KDM5B: variants seen among roughly 807,000 people sequenced by gnomAD.
KDM5B encodes lysine-specific demethylase 5B.
Under a neutral mutation model 193.4 loss-of-function variants are expected in KDM5B, and 144 were observed. The ratio of observed to expected loss-of-function variants is 0.74; its 90% CI spans 0.65 to 0.86. The LOEUF (loss-of-function observed/expected upper bound fraction) is 0.86, where lower values mean the gene tolerates loss of function less well. Among genes scored for constraint, KDM5B ranks in the 40% least tolerant of loss-of-function variants. The pLI is 0.00. For missense variants in KDM5B, 1,833 were observed against 1,886.9 expected (o/e 0.97, Z 0.53); for synonymous variants, 668 against 682.6 (o/e 0.98, Z 0.33).
At chr1:202,744,552 C>T (rs1035656547) in intron 16 of KDM5B, among the ~76,000 whole-genome samples, 3 of 151,842 alleles carry the variant, frequency 2.0e-5, no homozygotes, top group Admixed American at 6.6e-5. Context: ...AGCAAGACTC[C>T]GTCTCAAAAC....
chr1:202,760,955 T>C (rs558835513), intron 7 of KDM5B, among the ~76,000 whole-genome samples: 11 of 151,818 alleles, frequency 7.2e-5, no homozygotes, highest in African/African-American at 2.7e-4. Context: ...TTGAGCCTGG[T>C]AGGTCAAAGT....
At chr1:202,795,768 T>TA (rs1229105860) in intron 1 of KDM5B, among the ~76,000 whole-genome samples, 1 of 151,992 alleles carries the variant, frequency 6.6e-6, no homozygotes, top group Non-Finnish European at 1.5e-5. Context: ...GTTTATATGA[T>TA]TACATAGGGG....
At position 202,749,151 on chromosome 1, in the gene KDM5B, C is replaced by T; in HGVS notation, c.1822-12G>A. The T allele has an allele frequency of 6.3e-7, 1 of 1,598,052 alleles. No individual in the cohort carries two copies. Among genetic ancestry groups the T allele is most frequent in the East Asian group, 2.2e-5 (1 of 44,780 alleles). Reference sequence around the variant, plus strand: ...CGGCCTAATGGCAGCTGTATCAAAACACGGAAAGAAAAAAATAACATTCAT... The same window carrying T: ...CGGCCTAATGGCAGCTGTATCAAAATACGGAAAGAAAAAAATAACATTCAT... On this transcript the variant is annotated splice_polypyrimidine_tract_variant and intron_variant, in intron 13 of 26. Transcript: ENST00000367265.
At chr1:202,750,187 T>C (rs1655733805) in intron 13 of KDM5B, among the ~76,000 whole-genome samples, 1 of 152,246 alleles carries the variant, frequency 6.6e-6, no homozygotes, top group African/African-American at 2.4e-5. Context: ...TGATTTACAC[T>C]GTGGTACAAG....
In KDM5B at chr1:202,740,693, T is replaced by C; in HGVS notation, c.3065A>G (p.Gln1022Arg). Residue 1022 changes from glutamine (Q) to arginine (R), a missense_variant, in exon 20 of 27, where the codon CAG becomes CGG. Physicochemically the swap from Gln to Arg is conservative, Grantham distance 43. Around this residue, in one of 3 missense-constraint regions of KDM5B, gnomAD observed 1,379 missense variants for 1,349.6 expected, o/e 1.02. Coordinates refer to ENST00000367265, the MANE Select transcript of KDM5B (RefSeq NM_006618.5). Reference sequence around the variant, plus strand: ...ACCAACCTGCAGGCCCTCTACATCCTGAAGCCAGTCTCTGGCTCTCTGCAC... The same window carrying C: ...ACCAACCTGCAGGCCCTCTACATCCCGAAGCCAGTCTCTGGCTCTCTGCAC... ...DSVQRARDWL[Q>R]DVEGLQAGGR... The C allele has an allele frequency of 1.2e-6, 2 of 1,612,404 alleles. No individual in the cohort carries two copies. The highest frequency in any genetic ancestry group is 1.1e-5 in the South Asian group (1 of 90,984).
At chr1:202,793,781 CTA>C (rs1396223962) in intron 1 of KDM5B, among the ~76,000 whole-genome samples, 1 of 152,062 alleles carries the variant, frequency 6.6e-6, no homozygotes, top group Admixed American at 6.6e-5. Flanking sequence ...TGATGAGCAA[CTA>C]TATATTCTAT....
At chr1:202,773,071 C>A in intron 4 of KDM5B, 47 bp downstream of exon 4, 1 of 1,272,756 alleles carries the variant, frequency 7.9e-7, no homozygotes, top group Non-Finnish European at 1.1e-6. Context: ...GACAATGTAC[C>A]AATAAGTAGT....
chr1:202,792,840 A>G (rs1296806164), intron 1 of KDM5B, among the ~76,000 whole-genome samples: 1 of 151,706 alleles, frequency 6.6e-6, no homozygotes, highest in Non-Finnish European at 1.5e-5. Flanking sequence ...CTAAAAATAC[A>G]AAAAAAATTA....
chr1:202,770,003 C>T (rs1199427798), intron 4 of KDM5B, among the ~76,000 whole-genome samples: 2 of 152,112 alleles, frequency 1.3e-5, no homozygotes, highest in Non-Finnish European at 2.9e-5. Context: ...TACGTGGTTC[C>T]TATCTCCTAC....
At chr1:202,734,172 C>T (rs1655006862) in intron 22 of KDM5B, among the ~76,000 whole-genome samples, 1 of 151,872 alleles carries the variant, frequency 6.6e-6, no homozygotes, top group South Asian at 2.1e-4. Context: ...TAAACAAGTT[C>T]TCAAAAAATC....
Position 202,736,382 on chromosome 1 carries a change from C to T in KDM5B, c.3095G>A (p.Arg1032His), listed in dbSNP as rs777499012. 1.7e-5 allele frequency: 26 copies of T among 1,564,142 alleles called. No individual in the cohort carries two copies. The highest frequency in any genetic ancestry group is 7.0e-5 in the East Asian group (3 of 42,646). Residue 1032 changes from arginine to histidine, a missense_variant, in exon 21 of 27, where the codon CGT becomes CAT. Around this residue, in one of 3 missense-constraint regions of KDM5B, gnomAD observed 1,379 missense variants for 1,349.6 expected, o/e 1.02. Transcript: ENST00000367265. ...QDVEGLQAGG[R>H]VPVLDTLIEL... ...TATGAGTGTGTCTAACACTGGCACA[C>T]GTCCTCCAGCCTAATAAGTCAAGAA...
chr1:202,786,166 AT>A lies in KDM5B; in HGVS notation c.205-9073del, dbSNP rs548678700. 2.6e-4 allele frequency among the ~76,000 whole-genome samples: 28 copies of A among 107,108 alleles called. No homozygotes were observed. The South Asian group carries it at 6.4e-3, about 24-fold the overall frequency. 70.3% of individuals were successfully genotyped at this position (107,108 alleles called of 152,430 possible). ...AGGTGCACACCACCATGACCAGCTA[AT>A]TTTTTTTTTTAAGAGACGGGGGGTG... On this transcript the variant is annotated intron_variant, in intron 1 of 26. Transcript: ENST00000367265.
chr1:202,792,554 G>A lies in KDM5B; in HGVS notation c.205-15460C>T, dbSNP rs550568878. Among the ~76,000 whole-genome samples, 118 of 152,300 alleles carry A rather than the reference G, an allele frequency of 7.7e-4. 1 individual carries two copies. The highest frequency in any genetic ancestry group is 1.4e-3 in the Admixed American group (22 of 15,298). Reference sequence around the variant, plus strand: ...ATGAGCCAACAAACTAACAGTATATGAATGGGCTAAGTTCAAAAATACTGA... The same window carrying A: ...ATGAGCCAACAAACTAACAGTATATAAATGGGCTAAGTTCAAAAATACTGA... On this transcript the variant is annotated intron_variant, in intron 1 of 26. Transcript: ENST00000367265.
intron 11 of KDM5B, among the ~76,000 whole-genome samples, chr1:202,753,472 G>A (rs1414413807): frequency 6.6e-6 from 1 of 152,012 alleles, no homozygotes; most frequent in Non-Finnish European, 1.5e-5. Context: ...TCCTGCCTGG[G>A]TGACAAGAGC....
intron 1 of KDM5B, among the ~76,000 whole-genome samples, chr1:202,784,084 T>C (rs1212867158): frequency 6.6e-6 from 1 of 152,190 alleles, no homozygotes; most frequent in African/African-American, 2.4e-5. Context: ...AGTCAACCAC[T>C]GTGAGAACAA....
In KDM5B at chr1:202,739,304, G is replaced by A. The variant is rs762875394; in HGVS notation, c.3084+1370C>T. ...CACTGTCTAAGCTTTAAATATTTGA[G>A]ACAACTGGTCAGGATAATAGCTGGT... On this transcript the variant is annotated intron_variant, in intron 20 of 26. Coordinates refer to ENST00000367265, the MANE Select transcript of KDM5B (RefSeq NM_006618.5). Among the ~76,000 whole-genome samples, 3 of 152,156 alleles carry A rather than the reference G, an allele frequency of 2.0e-5. No individual in the cohort carries two copies. In the South Asian group the frequency reaches 6.2e-4, roughly 31 times the overall value.
chr1:202,747,583 A>C (rs894495383), intron 14 of KDM5B, among the ~76,000 whole-genome samples: 1 of 151,928 alleles, frequency 6.6e-6, no homozygotes, highest in African/African-American at 2.4e-5. Context: ...AAAAAAAAAA[A>C]AAACAGTATT....
chr1:202,728,159 A>C lies in KDM5B; in HGVS notation c.*877T>G, dbSNP rs1009526758. The C allele has an allele frequency of 5.2e-5, 8 of 152,384 alleles. No individual in the cohort carries two copies. Among genetic ancestry groups the C allele is most frequent in the African/African-American group, 1.9e-4 (8 of 41,592 alleles). 9.4% of individuals were successfully genotyped at this position (152,384 alleles called of 1,614,324 possible). On this transcript the variant is annotated 3_prime_UTR_variant, in exon 27 of 27. Coordinates refer to ENST00000367265, the MANE Select transcript of KDM5B (RefSeq NM_006618.5). ...CTGTGCAACAGTAGAGGGGCAGAAG[A>C]AGCTGTGCTCTAATGGCTCTAAATA...
chr1:202,755,340 C>T lies in KDM5B; in HGVS notation c.1469G>A (p.Gly490Glu). Residue 490 changes from glycine to glutamate, a missense_variant, in exon 11 of 27, where the codon GGA (glycine) becomes GAA (glutamate). Physicochemically the swap from Gly to Glu is moderately conservative, Grantham distance 98. Around this residue, in one of 3 missense-constraint regions of KDM5B, gnomAD observed 1,379 missense variants for 1,349.6 expected, o/e 1.02. Transcript: ENST00000367265. ...CGMKLPWLYV[G>E]MCFSSFCWHI... Reference sequence around the variant, plus strand: ...CCAACAGAATGAAGAAAAGCACATTCCCACATACAACCAAGGAAGTTTCAT... The same window carrying T: ...CCAACAGAATGAAGAAAAGCACATTTCCACATACAACCAAGGAAGTTTCAT... The T allele has an allele frequency of 6.2e-7, 1 of 1,613,996 alleles. No individual in the cohort carries two copies. The highest frequency in any genetic ancestry group is 8.5e-7 in the Non-Finnish European group (1 of 1,179,900).
Sources: allele counts gnomAD v4.1 joint callset (sites outside exome capture counted in the v4.1 genomes callset), GRCh38; gene constraint gnomAD v4.1.1; regional missense constraint gnomAD v4.1.1; transcripts MANE v1.5; gene names NCBI Gene and HGNC (gene_info 2026-07-23, HGNC 2026-07-21).